The following USP31 variants were observed in gnomAD, a reference collection of about 807,000 sequenced individuals.
The protein encoded by USP31 is ubiquitin carboxyl-terminal hydrolase 31.
A neutral mutation model predicts 119.4 loss-of-function variants in USP31; 44 were observed. That is an observed-to-expected ratio of 0.37 (90% CI 0.29 to 0.47). The LOEUF is 0.47. Among genes scored for constraint, USP31 ranks in the 20% least tolerant of loss-of-function variants. USP31 has a pLI of 0.99. For missense variants in USP31, 1,643 were observed against 1,730.2 expected (o/e 0.95, Z 0.89); for synonymous variants, 749 against 705.6 (o/e 1.06, Z -0.97).
intron 1 of USP31, 95 bp from the exon 2 acceptor site, chr16:23,108,278 A>C: frequency 2.1e-5 from 32 of 1,491,292 alleles, no homozygotes; most frequent in Non-Finnish European, 2.7e-5. Context: ...GCAAGATCTC[A>C]AGGGTGTTAG....
chr16:23,142,258 TTACTGGAGAGA>T (rs1903373690), intron 1 of USP31, among the ~76,000 whole-genome samples: 1 of 152,190 alleles, frequency 6.6e-6, no homozygotes, highest in East Asian at 1.9e-4. Flanking sequence ...AGCTCAAAGC[TTACTGGAGAGA>T]GATCCACATG....
chr16:23,073,527 T>C (rs1356977933), intron 14 of USP31, among the ~76,000 whole-genome samples, 195 bp downstream of exon 14: 1 of 152,206 alleles, frequency 6.6e-6, no homozygotes, highest in Non-Finnish European at 1.5e-5. Flanking sequence ...TGAACTCCAC[T>C]GGGCCACAGG....
chr16:23,064,060 GGTTT>G lies in USP31; in HGVS notation c.*3982_*3985del, dbSNP rs1320376072. ...TTTGTGTTCGTTTGTGATAGGTACT[GGTTT>G]GTCAGCAAAGTTTGCCTTTCTCAAC... is the stretch of plus-strand genomic sequence containing the variant. On this transcript the variant is annotated 3_prime_UTR_variant, in exon 16 of 16. Transcript: ENST00000219689. The G allele has an allele frequency of 1.3e-5, 2 of 152,580 alleles. No homozygotes were observed. Among genetic ancestry groups the G allele is most frequent in the Non-Finnish European group, 2.9e-5 (2 of 68,034 alleles). 9.5% of individuals were successfully genotyped at this position (152,580 alleles called of 1,614,324 possible). A position where few individuals can be genotyped will look rare whatever the true frequency, so the allele number is the denominator to read the frequency against.
chr16:23,135,670 G>C (rs952209072), intron 1 of USP31, among the ~76,000 whole-genome samples: 12 of 152,120 alleles, frequency 7.9e-5, no homozygotes, highest in African/African-American at 2.9e-4. Flanking sequence ...AAACATAGTT[G>C]AAAGGAATTA....
intron 4 of USP31, 87 bp downstream of exon 4, chr16:23,106,122 CTAAA>C (rs138355070): frequency 0.021 from 28,501 of 1,361,082 alleles, 442 homozygotes; most frequent in Middle Eastern, 0.045. Flanking sequence ...CATTACCTGT[CTAAA>C]TAAGTAAGAA....
At chr16:23,084,819 C>G in intron 11 of USP31, 41 bp downstream of exon 11, 1 of 1,611,180 alleles carries the variant, frequency 6.2e-7, no homozygotes, top group Non-Finnish European at 8.5e-7. Context: ...CCCCACTCCC[C>G]ACTGCCCTGA....
intron 1 of USP31, among the ~76,000 whole-genome samples, chr16:23,136,385 G>A (rs892012222): frequency 9.9e-5 from 15 of 152,204 alleles, no homozygotes; most frequent in African/African-American, 3.6e-4. Context: ...GGGCACGGCG[G>A]CTCACACCTG....
intron 1 of USP31, among the ~76,000 whole-genome samples, chr16:23,142,469 T>G (rs549162382): frequency 1.3e-5 from 2 of 152,362 alleles, no homozygotes; most frequent in South Asian, 2.1e-4. Flanking sequence ...TCTGCCCATG[T>G]ACGTGTTATG....
In USP31 at chr16:23,068,201, T is replaced by C. The variant is rs1900168112; in HGVS notation, c.3904A>G (p.Lys1302Glu). 2 of 1,614,216 alleles carry C rather than the reference T, an allele frequency of 1.2e-6. No individual in the cohort carries two copies. Among genetic ancestry groups the C allele is most frequent in the Non-Finnish European group, 1.7e-6 (2 of 1,180,048 alleles). Residue 1302 changes from lysine to glutamate, a missense_variant, in exon 16 of 16, where the codon AAA becomes GAA. Physicochemically the swap from Lys to Glu is moderately conservative, Grantham distance 56. Transcript: ENST00000219689. ...TTGCGAGCGGACAGCAGGGAATGTT[T>C]GGCAGAAGCAGGGTCCTTGGTGACA... is the stretch of plus-strand genomic sequence containing the variant. The part of the protein sequence containing the change: ...QLVTKDPASA[K>E]HSLLSARKSK...
chr16:23,121,255 C>G (rs1161478335), intron 1 of USP31, among the ~76,000 whole-genome samples: 1 of 152,184 alleles, frequency 6.6e-6, no homozygotes, highest in Admixed American at 6.5e-5. Flanking sequence ...CTGTGGCACT[C>G]TACACAGCCA....
At chr16:23,129,691 C>T (rs1596732172) in intron 1 of USP31, among the ~76,000 whole-genome samples, 1 of 152,088 alleles carries the variant, frequency 6.6e-6, no homozygotes, top group South Asian at 2.1e-4. Context: ...GAACATTTGG[C>T]TATTATTACT....
intron 1 of USP31, among the ~76,000 whole-genome samples, chr16:23,112,366 G>A (rs1297451547): frequency 6.6e-6 from 1 of 152,064 alleles, no homozygotes; most frequent in Non-Finnish European, 1.5e-5. Context: ...ATCACGTGAG[G>A]TCAAGAGTTC....
intron 1 of USP31, among the ~76,000 whole-genome samples, chr16:23,133,179 T>TC (rs1471240766): frequency 6.6e-6 from 1 of 152,186 alleles, no homozygotes; most frequent in Non-Finnish European, 1.5e-5. Context: ...GCCCGCCATT[T>TC]CCTTTTCTAA....
chr16:23,148,623 G>T lies in USP31; in HGVS notation c.633+15C>A. ...GCTCGGGGTGCAGTGGGGGCGCGGC[G>T]GCGCGCGGGCTCACCTTGAAGTCGC... On this transcript the variant is annotated intron_variant, in intron 1 of 15. Transcript: ENST00000219689. 1.4e-6 allele frequency: 2 copies of T among 1,456,654 alleles called. No individual in the cohort carries two copies. 90.2% of individuals were successfully genotyped at this position (1,456,654 alleles called of 1,614,324 possible).
At position 23,110,489 on chromosome 16, in the gene USP31, T is replaced by C. The variant is rs1056205758; in HGVS notation, c.634-2306A>G. ...GAAATTCCAGGTCTATTAGACAGAATGGGAGGAGATCAAACAGTAAACAGA... is the reference window on the plus strand; with the variant it reads ...GAAATTCCAGGTCTATTAGACAGAACGGGAGGAGATCAAACAGTAAACAGA... On this transcript the variant is annotated intron_variant, in intron 1 of 15. Transcript: ENST00000219689. Among the ~76,000 whole-genome samples, 3 of 152,040 alleles carry C rather than the reference T, an allele frequency of 2.0e-5. No individual in the cohort carries two copies. In the East Asian group the frequency reaches 5.8e-4, roughly 29 times the overall value.
intron 13 of USP31, among the ~76,000 whole-genome samples, chr16:23,078,514 C>G (rs1404964071): frequency 6.6e-6 from 1 of 152,084 alleles, no homozygotes; most frequent in South Asian, 2.1e-4. Flanking sequence ...CTTTCCCCGA[C>G]AGCTGACCCT....
intron 12 of USP31, among the ~76,000 whole-genome samples, 176 bp from the exon 13 acceptor site, chr16:23,080,347 G>A (rs1396074768): frequency 6.6e-6 from 1 of 152,108 alleles, no homozygotes; most frequent in Non-Finnish European, 1.5e-5. Flanking sequence ...AGAGGAACAG[G>A]TTTTAATATC....
At chr16:23,122,600 TAATAG>T (rs1290067671) in intron 1 of USP31, among the ~76,000 whole-genome samples, 4 of 152,158 alleles carry the variant, frequency 2.6e-5, no homozygotes, top group Non-Finnish European at 5.9e-5. Flanking sequence ...AATATTCATA[TAATAG>T]AATATTTTGC....
chr16:23,105,006 G>A lies in USP31; in HGVS notation c.1089+435C>T, dbSNP rs148669300. ...ACAAAACGTATTGAGCATCTATTAC[G>A]TACAGAACATTGTACTAGCAAGATA... On this transcript the variant is annotated intron_variant, in intron 5 of 15. Transcript: ENST00000219689. Among the ~76,000 whole-genome samples, 1,036 of 152,272 alleles carry A rather than the reference G, an allele frequency of 6.8e-3. 12 individuals are homozygous for A. The highest frequency in any genetic ancestry group is 0.011 in the Non-Finnish European group (725 of 68,012).
Sources: gnomAD v4.1 joint callset for allele counts (sites outside exome capture counted in the v4.1 genomes callset) on GRCh38, gnomAD v4.1.1 for gene constraint, MANE v1.5 for transcripts, NCBI Gene and HGNC (gene_info 2026-07-23, HGNC 2026-07-21) for gene names.